Variants in ELAPOR2 observed in about 807,000 individuals in gnomAD.
ELAPOR2 encodes endosome/lysosome-associated apoptosis and autophagy regulator family member 2.
ELAPOR2 carries 89 observed loss-of-function variants against 120.7 expected under a neutral mutation model. The ratio of observed to expected loss-of-function variants is 0.74; its 90% CI spans 0.62 to 0.88. The LOEUF is 0.88. ELAPOR2 is among the 40% of genes least tolerant of loss of function. The pLI, the probability that ELAPOR2 is intolerant of heterozygous loss-of-function variation, is 0.00. For missense variants in ELAPOR2, 1,134 were observed against 1,251.6 expected (o/e 0.91, Z 1.42); for synonymous variants, 444 against 444.9 (o/e 1.00, Z 0.03).
At chr7:87,021,435 C>T (rs932710773) in intron 1 of ELAPOR2, among the ~76,000 whole-genome samples, 8 of 152,048 alleles carry the variant, frequency 5.3e-5, no homozygotes, top group African/African-American at 9.7e-5. Context: ...AATATACTGC[C>T]ATATCAACAC....
At chr7:87,012,215 T>C (rs542597658) in intron 1 of ELAPOR2, among the ~76,000 whole-genome samples, 2 of 152,100 alleles carry the variant, frequency 1.3e-5, no homozygotes, top group Non-Finnish European at 2.9e-5. Flanking sequence ...ATTGAGACCA[T>C]CCTGGCCAAC....
rs1788496543 is a variant in ELAPOR2, at chr7:86,897,540, T to C, written c.2651A>G (p.His884Arg). 1.2e-6 allele frequency: 2 copies of C among 1,613,098 alleles called. No individual in the cohort carries two copies. Among genetic ancestry groups the C allele is most frequent in the African/African-American group, 1.3e-5 (1 of 74,844 alleles). ...ACPLCTEHDF[H>R]EIEGACKRGF... ...TCTCTTGCAGGCTCCCTCAATCTCA[T>C]GGAAGTCATGCTCCGTACACAGAGG... Residue 884 changes from histidine to arginine, a missense_variant, in exon 19 of 22, where the codon CAT becomes CGT. By Grantham distance (29) the His-to-Arg change is conservative. This residue lies in a region of ELAPOR2 where 831 missense variants were observed against 867.6 expected (regional missense o/e 0.96). Coordinates refer to ENST00000450689, the MANE Select transcript of ELAPOR2 (RefSeq NM_001142749.3).
intron 12 of ELAPOR2, among the ~76,000 whole-genome samples, chr7:86,915,068 C>A (rs888276824): frequency 1.3e-4 from 20 of 152,096 alleles, no homozygotes; most frequent in African/African-American, 4.6e-4. Context: ...ATATCAACCA[C>A]ATTGTTCATA....
chr7:87,011,610 G>A (rs1278596831), intron 1 of ELAPOR2, among the ~76,000 whole-genome samples: 1 of 152,182 alleles, frequency 6.6e-6, no homozygotes, highest in Non-Finnish European at 1.5e-5. Flanking sequence ...AAAAAATACA[G>A]CCTTGTTTAT....
At chr7:86,957,178 T>C (rs1791508277) in intron 2 of ELAPOR2, among the ~76,000 whole-genome samples, 1 of 152,326 alleles carries the variant, frequency 6.6e-6, no homozygotes, top group African/African-American at 2.4e-5. Flanking sequence ...CACTTGTGTG[T>C]TACAGAGGAG....
At chr7:87,022,921 G>C (rs1344080547) in intron 1 of ELAPOR2, among the ~76,000 whole-genome samples, 3 of 151,838 alleles carry the variant, frequency 2.0e-5, no homozygotes, top group Non-Finnish European at 4.4e-5. Context: ...CTTTTTGATG[G>C]GGTTGTTTTT....
intron 1 of ELAPOR2, among the ~76,000 whole-genome samples, chr7:86,977,402 GC>G (rs1190936645): frequency 6.6e-6 from 1 of 152,122 alleles, no homozygotes; most frequent in Non-Finnish European, 1.5e-5. Flanking sequence ...AAAAGCTGAT[GC>G]CTCATTATTC....
intron 18 of ELAPOR2, among the ~76,000 whole-genome samples, chr7:86,900,600 G>A (rs778743941): frequency 6.6e-6 from 1 of 152,148 alleles, no homozygotes; most frequent in Non-Finnish European, 1.5e-5. Flanking sequence ...ACACTATAGT[G>A]CCTTTCCTTG....
At chr7:86,935,592 C>T (rs901920475) in intron 8 of ELAPOR2, among the ~76,000 whole-genome samples, 3 of 151,852 alleles carry the variant, frequency 2.0e-5, no homozygotes, top group African/African-American at 7.3e-5. Flanking sequence ...TCAGAATTAC[C>T]CGGGACCTTC....
At chr7:86,983,597 G>A (rs1385363770) in intron 1 of ELAPOR2, among the ~76,000 whole-genome samples, 1 of 152,164 alleles carries the variant, frequency 6.6e-6, no homozygotes, top group Non-Finnish European at 1.5e-5. Context: ...AGCTTCATAA[G>A]TGAAGGAGAA....
At chr7:87,022,033 T>C (rs1794058172) in intron 1 of ELAPOR2, among the ~76,000 whole-genome samples, 1 of 152,180 alleles carries the variant, frequency 6.6e-6, no homozygotes, top group Non-Finnish European at 1.5e-5. Context: ...GCCTCAGCAG[T>C]TGACAGCCAT....
chr7:87,015,656 C>T (rs571361177), intron 1 of ELAPOR2, among the ~76,000 whole-genome samples: 7 of 151,870 alleles, frequency 4.6e-5, no homozygotes, highest in African/African-American at 1.2e-4. Context: ...GGCATGGTGG[C>T]GGGCACCTGT....
chr7:86,933,032 C>A (rs1274191474), intron 8 of ELAPOR2, among the ~76,000 whole-genome samples: 1 of 151,622 alleles, frequency 6.6e-6, no homozygotes, highest in Non-Finnish European at 1.5e-5. Context: ...TTGAAAATAA[C>A]TCATCTGACT....
At chr7:86,980,024 A>G (rs927334928) in intron 1 of ELAPOR2, among the ~76,000 whole-genome samples, 4 of 152,240 alleles carry the variant, frequency 2.6e-5, no homozygotes, top group African/African-American at 9.6e-5. Context: ...CAAGCTTGCT[A>G]GATATTCCAG....
At chr7:86,894,245 G>A (rs961347419) in intron 19 of ELAPOR2, among the ~76,000 whole-genome samples, 4 of 151,978 alleles carry the variant, frequency 2.6e-5, no homozygotes, top group East Asian at 1.9e-4. Context: ...TAACTGAAAC[G>A]TGTTTCCTAA....
chr7:86,937,150 T>C (rs1038772215), intron 8 of ELAPOR2, among the ~76,000 whole-genome samples: 2 of 152,046 alleles, frequency 1.3e-5, no homozygotes, highest in African/African-American at 4.8e-5. Flanking sequence ...TTAGTTTGAG[T>C]TACTGTTCTT....
intron 1 of ELAPOR2, among the ~76,000 whole-genome samples, chr7:87,007,226 C>T (rs1793513046): frequency 6.6e-6 from 1 of 152,040 alleles, no homozygotes; most frequent in South Asian, 2.1e-4. Context: ...AATACAGAAC[C>T]CTAGTTAGTA....
At chr7:86,956,451 C>T (rs989566304) in intron 2 of ELAPOR2, among the ~76,000 whole-genome samples, 2 of 152,110 alleles carry the variant, frequency 1.3e-5, no homozygotes, top group African/African-American at 4.8e-5. Flanking sequence ...ACATCCTTTC[C>T]AGTGGGTCTT....
At position 86,879,595 on chromosome 7, in the gene ELAPOR2, T is replaced by C. The variant is rs549076557; in HGVS notation, c.*876A>G. The C allele has an allele frequency of 3.3e-5, 5 of 152,310 alleles. 2 individuals carry two copies. Among genetic ancestry groups the C allele is most frequent in the African/African-American group, 1.2e-4 (5 of 41,586 alleles). The allele number at this position is 152,310 out of a possible 1,614,324, so 9.4% of individuals were successfully genotyped here. On this transcript the variant is annotated 3_prime_UTR_variant, in exon 22 of 22. Coordinates refer to ENST00000450689, the MANE Select transcript of ELAPOR2 (RefSeq NM_001142749.3). ...TATTTCATACAGTCATCTGTACTTA[T>C]AGACAAACCTTCTCACTCTCTTCTT...
Sources: gnomAD v4.1 joint callset for allele counts (sites outside exome capture counted in the v4.1 genomes callset) on GRCh38, gnomAD v4.1.1 for gene constraint, gnomAD v4.1.1 regional missense constraint, MANE v1.5 for transcripts, NCBI Gene and HGNC (gene_info 2026-07-23, HGNC 2026-07-21) for gene names.